Variants in CTNNA3 observed in about 807,000 individuals in gnomAD.
CTNNA3 encodes the protein catenin alpha 3, also known as catenin alpha-3.
A neutral mutation model predicts 95.7 loss-of-function variants in CTNNA3; 76 were observed. The ratio of observed to expected loss-of-function variants is 0.79; its 90% CI spans 0.66 to 0.96. The LOEUF (loss-of-function observed/expected upper bound fraction) is 0.96. Among genes scored for constraint, CTNNA3 ranks in the 40% least tolerant of loss-of-function variants. The probability of loss-of-function intolerance (pLI) is 0.00; values close to 1 mark genes in which losing one functional copy is unlikely to be tolerated. For synonymous variants in CTNNA3, 431 were observed against 374.4 expected (o/e 1.15, Z -1.74); for missense variants, 1,191 against 1,089.8 (o/e 1.09, Z -1.31).
chr10:67,012,699 T>C (rs550511183), intron 7 of CTNNA3, among the ~76,000 whole-genome samples: 351 of 152,276 alleles, frequency 2.3e-3, no homozygotes, highest in African/African-American at 7.7e-3. Context: ...TGGACAAATG[T>C]AATCACGTCT....
intron 13 of CTNNA3, among the ~76,000 whole-genome samples, chr10:66,234,394 C>G (rs1476655336): frequency 6.6e-6 from 1 of 152,162 alleles, no homozygotes; most frequent in Non-Finnish European, 1.5e-5. Flanking sequence ...CACAGACAAA[C>G]ACATTCACAT....
chr10:66,680,172 TTTTG>T (rs202208787), intron 9 of CTNNA3, among the ~76,000 whole-genome samples: 7 of 101,026 alleles, frequency 6.9e-5, no homozygotes, highest in South Asian at 3.0e-4. Context: ...TAATGTTTTT[TTTTG>T]TTTGTTTTTT....
intron 5 of CTNNA3, among the ~76,000 whole-genome samples, chr10:67,229,890 T>C (rs1351052492): frequency 1.3e-5 from 2 of 152,268 alleles, no homozygotes; most frequent in East Asian, 1.9e-4. Flanking sequence ...AAAATAACCA[T>C]GCTGCCAAAA....
intron 5 of CTNNA3, among the ~76,000 whole-genome samples, chr10:67,223,213 T>C (rs956171399): frequency 2.6e-5 from 4 of 152,234 alleles, no homozygotes; most frequent in Non-Finnish European, 4.4e-5. Flanking sequence ...ACATCAAGCA[T>C]GATAAACTTA....
intron 9 of CTNNA3, among the ~76,000 whole-genome samples, chr10:66,634,748 C>A (rs913229371): frequency 6.6e-6 from 1 of 151,986 alleles, no homozygotes; most frequent in Non-Finnish European, 1.5e-5. Context: ...TCAAATAAGT[C>A]ATTAAAGATG....
chr10:66,659,258 A>G (rs1436276160), intron 9 of CTNNA3, among the ~76,000 whole-genome samples: 4 of 151,900 alleles, frequency 2.6e-5, no homozygotes, highest in African/African-American at 9.7e-5. Context: ...ACAATGCTCA[A>G]ATAAAAAATG....
intron 9 of CTNNA3, among the ~76,000 whole-genome samples, chr10:66,711,871 T>C (rs1226663078): frequency 6.6e-6 from 1 of 152,086 alleles, no homozygotes; most frequent in Admixed American, 6.6e-5. Flanking sequence ...TACCCAAACC[T>C]TACTTTCAAA....
intron 12 of CTNNA3, among the ~76,000 whole-genome samples, chr10:66,296,928 T>C (rs949914302): frequency 3.3e-5 from 5 of 152,214 alleles, no homozygotes; most frequent in African/African-American, 1.2e-4. Flanking sequence ...TCAGACATGT[T>C]ATTTTTGCCC....
chr10:67,378,870 C>A (rs1055549311), intron 5 of CTNNA3, among the ~76,000 whole-genome samples: 2 of 152,108 alleles, frequency 1.3e-5, no homozygotes, highest in African/African-American at 4.8e-5. Flanking sequence ...CATATAAGGG[C>A]AATTCCATTG....
At chr10:66,474,588 T>C (rs1839255984) in intron 11 of CTNNA3, among the ~76,000 whole-genome samples, 1 of 152,050 alleles carries the variant, frequency 6.6e-6, no homozygotes, top group African/African-American at 2.4e-5. Flanking sequence ...GATGATCCCA[T>C]AGCTGTATTT....
chr10:66,289,781 C>A (rs2091648762), intron 12 of CTNNA3, among the ~76,000 whole-genome samples: 1 of 151,914 alleles, frequency 6.6e-6, no homozygotes, highest in South Asian at 2.1e-4. Flanking sequence ...AGTTTTATAA[C>A]CATGCTAAGC....
chr10:66,517,448 A>C (rs1840901685), intron 11 of CTNNA3, among the ~76,000 whole-genome samples: 1 of 152,048 alleles, frequency 6.6e-6, no homozygotes, highest in South Asian at 2.1e-4. Context: ...AAGCCGGCTA[A>C]ATCCTACCAA....
intron 12 of CTNNA3, among the ~76,000 whole-genome samples, chr10:66,294,070 A>G (rs1052703109): frequency 1.3e-5 from 2 of 152,224 alleles, no homozygotes; most frequent in African/African-American, 4.8e-5. Context: ...CCATCATGCT[A>G]ATAGCCCAAT....
intron 5 of CTNNA3, among the ~76,000 whole-genome samples, chr10:67,293,098 A>AT: frequency 6.6e-6 from 1 of 152,274 alleles, no homozygotes; most frequent in South Asian, 2.1e-4. Flanking sequence ...AATACTACCT[A>AT]TTTCCTTGTT....
intron 16 of CTNNA3, among the ~76,000 whole-genome samples, chr10:65,972,314 A>G (rs1411100019): frequency 6.6e-6 from 1 of 152,134 alleles, no homozygotes; most frequent in South Asian, 2.1e-4. Context: ...CTTATTCAAC[A>G]TAGTACTGAA....
intron 15 of CTNNA3, among the ~76,000 whole-genome samples, chr10:66,066,366 C>T (rs778673076): frequency 1.1e-4 from 17 of 152,066 alleles, no homozygotes; most frequent in South Asian, 6.2e-4. Flanking sequence ...CAGGCATATA[C>T]ATGTCTATGT....
At chr10:67,086,862 T>A (rs1857341226) in intron 7 of CTNNA3, among the ~76,000 whole-genome samples, 1 of 152,048 alleles carries the variant, frequency 6.6e-6, no homozygotes, top group Non-Finnish European at 1.5e-5. Flanking sequence ...TCTGCCATAC[T>A]TATATAAACC....
Position 65,920,611 on chromosome 10 carries a change from T to C in CTNNA3, c.2407A>G (p.Ser803Gly), listed in dbSNP as rs2077069285. 5 of 1,606,774 alleles carry C rather than the reference T, an allele frequency of 3.1e-6. No homozygotes were observed. The highest frequency in any genetic ancestry group is 1.1e-5 in the South Asian group (1 of 90,384). ...GCTGCTTGGATCAGGGATGTGACAC[T>C]GTCCAACTGTAGGGAAAAAAGAGAA... is the stretch of plus-strand genomic sequence containing the variant. ...GGELIMSALDSVTSLIQAAKN... is the reference protein window; with the variant it reads ...GGELIMSALDGVTSLIQAAKN... Residue 803 changes from serine (S) to glycine (G), a missense_variant, in exon 18 of 18, where the codon AGT becomes GGT. By Grantham distance (56) the Ser-to-Gly change is moderately conservative. Coordinates refer to ENST00000433211, the MANE Select transcript of CTNNA3 (RefSeq NM_013266.4).
chr10:67,230,504 C>A lies in CTNNA3; in HGVS notation c.580-10634G>T, dbSNP rs533291178. ...AGGAACAGTGAGCAGAATAAACAGACAATCCACAGAATGGGAGAAAATCTT... is the reference window on the plus strand; with the variant it reads ...AGGAACAGTGAGCAGAATAAACAGAAAATCCACAGAATGGGAGAAAATCTT... On this transcript the variant is annotated intron_variant, in intron 5 of 17. Coordinates refer to ENST00000433211, the MANE Select transcript of CTNNA3 (RefSeq NM_013266.4). Among the ~76,000 whole-genome samples the A allele has an allele frequency of 5.3e-5, 8 of 152,210 alleles. No homozygotes were observed. The East Asian group carries it at 7.7e-4, about 15-fold the overall frequency.
Sources: allele counts gnomAD v4.1 joint callset (sites outside exome capture counted in the v4.1 genomes callset), GRCh38; gene constraint gnomAD v4.1.1; transcripts MANE v1.5; gene names NCBI Gene and HGNC (gene_info 2026-07-23, HGNC 2026-07-21).